The following TMC2 variants were observed in gnomAD, a reference collection of about 807,000 sequenced individuals.
TMC2 encodes the protein transmembrane channel like 2, also known as transmembrane channel-like protein 2.
Under a neutral mutation model 105.9 loss-of-function variants are expected in TMC2, and 102 were observed. That is an observed-to-expected ratio of 0.96 (90% CI 0.82 to 1.14). The LOEUF (loss-of-function observed/expected upper bound fraction) is 1.14, where lower values mean the gene tolerates loss of function less well. Ranked by LOEUF, TMC2 falls within the 50% of genes most tolerant of loss-of-function variation. The probability of loss-of-function intolerance (pLI) is 0.00; values close to 1 mark genes in which losing one functional copy is unlikely to be tolerated. For missense variants in TMC2, 1,093 were observed against 1,134.3 expected (o/e 0.96, Z 0.52); for synonymous variants, 402 against 422.8 (o/e 0.95, Z 0.60).
At chr20:2,539,700 C>T (rs934192739) in intron 2 of TMC2, among the ~76,000 whole-genome samples, 2 of 152,162 alleles carry the variant, frequency 1.3e-5, no homozygotes, top group African/African-American at 4.8e-5. Flanking sequence ...TTGCTCCGTC[C>T]CTTTTGCAAC....
intron 16 of TMC2, among the ~76,000 whole-genome samples, chr20:2,623,704 T>C (rs1469215693): frequency 2.0e-5 from 3 of 152,190 alleles, no homozygotes; most frequent in Non-Finnish European, 2.9e-5. Flanking sequence ...TGGGCCAGCA[T>C]TTGTAGAAGT....
At chr20:2,561,781 C>T in intron 3 of TMC2, 77 bp from the exon 4 acceptor site, 2 of 1,509,344 alleles carry the variant, frequency 1.3e-6, no homozygotes, top group Admixed American at 4.1e-5. Context: ...TCCATGGGCC[C>T]CTCCTCATTC....
chr20:2,553,895 G>GC (rs1568503111), intron 2 of TMC2, among the ~76,000 whole-genome samples: 1 of 151,960 alleles, frequency 6.6e-6, no homozygotes, highest in Non-Finnish European at 1.5e-5. Flanking sequence ...GTTTTGTTTT[G>GC]TTTTTTGAGA....
intron 12 of TMC2, 23 bp downstream of exon 12, chr20:2,610,621 C>T (rs1400000790): frequency 6.9e-7 from 1 of 1,451,560 alleles, no homozygotes; most frequent in East Asian, 2.6e-5. Flanking sequence ...ACACCCCCCA[C>T]CCCACTGCAA....
Position 2,612,287 on chromosome 20 carries a change from C to T in TMC2, c.1690C>T (p.Leu564=), listed in dbSNP as rs6037111. Residue 564 remains leucine (L), a synonymous_variant, in exon 13 of 20, where the codon CTG becomes TTG. Coordinates refer to ENST00000358864, the MANE Select transcript of TMC2 (RefSeq NM_080751.3). ...GAACGAGAGTGTCCCCCGACCACCC[C>T]TGCACCCTGCAGATGTGCCCCGGGG... The part of the protein sequence containing the change: ...GWNESVPRPP[L]HPADVPRGSC... 1.6e-5 allele frequency: 26 copies of T among 1,607,924 alleles called. No individual in the cohort carries two copies. Among genetic ancestry groups the T allele is most frequent in the Non-Finnish European group, 2.1e-5 (25 of 1,176,324 alleles).
chr20:2,615,267 G>A (rs945598098), intron 14 of TMC2, among the ~76,000 whole-genome samples: 3 of 152,348 alleles, frequency 2.0e-5, no homozygotes, highest in South Asian at 2.1e-4. Context: ...GTTGCAGTGA[G>A]CTGAGATTGT....
rs766643221 is a variant in TMC2 at position 2,612,249 on chromosome 20, A to C, written c.1652A>C (p.Asn551Thr). Residue 551 changes from asparagine to threonine, a missense_variant, in exon 13 of 20, where the codon AAC becomes ACC. By Grantham distance (65) the Asn-to-Thr change is moderately conservative. Transcript: ENST00000358864. ...ITHWTLFNYY[N>T]SSGWNESVPR... ...CACTGGACTCTGTTTAACTATTACA[A>C]CTCTTCTGGTTGGAACGAGAGTGTC... The C allele has an allele frequency of 6.2e-7, 1 of 1,611,914 alleles. No homozygotes were observed. The highest frequency in any genetic ancestry group is 8.5e-7 in the Non-Finnish European group (1 of 1,178,998).
At chr20:2,544,090 AT>A (rs2085909061) in intron 2 of TMC2, among the ~76,000 whole-genome samples, 7 of 92,690 alleles carry the variant, frequency 7.6e-5, no homozygotes, top group Non-Finnish European at 1.6e-4. Context: ...TTTTTTTTGT[AT>A]TTTTAGTAGA....
intron 14 of TMC2, 65 bp downstream of exon 14, chr20:2,613,387 G>A: frequency 6.2e-7 from 1 of 1,603,896 alleles, no homozygotes; most frequent in Non-Finnish European, 8.5e-7. Context: ...GATACTTATA[G>A]CCAGATGCAT....
intron 4 of TMC2, among the ~76,000 whole-genome samples, chr20:2,562,408 T>C (rs1352314498): frequency 1.3e-5 from 2 of 152,218 alleles, no homozygotes; most frequent in Non-Finnish European, 2.9e-5. Flanking sequence ...CCAGTGTCTC[T>C]CCATGTGTAC....
At chr20:2,537,394 C>G (rs2122784149) in intron 2 of TMC2, 78 bp downstream of exon 2, 1 of 1,170,410 alleles carries the variant, frequency 8.5e-7, no homozygotes, top group Non-Finnish European at 1.3e-6. Flanking sequence ...TCCAGCCACC[C>G]ATCCAACATT....
intron 5 of TMC2, among the ~76,000 whole-genome samples, chr20:2,578,925 C>G (rs1222232342): frequency 6.6e-6 from 1 of 152,226 alleles, no homozygotes; most frequent in Non-Finnish European, 1.5e-5. Context: ...GTGGCCCTCA[C>G]TTGTCTCTCA....
chr20:2,610,380 A>G lies in TMC2; in HGVS notation c.1414-39A>G, dbSNP rs561723217. On this transcript the variant is annotated intron_variant, in intron 11 of 19. Transcript: ENST00000358864. The stretch of plus-strand genomic sequence containing the variant: ...GCAGAGATGGCAGCCAAACAAGTAT[A>G]ATGTTGATGACACAACGTAGGCTTT... The G allele has an allele frequency of 2.0e-5, 32 of 1,567,426 alleles. No individual in the cohort carries two copies. The East Asian group carries it at 3.1e-4, about 15-fold the overall frequency.
At position 2,600,974 on chromosome 20, in the gene TMC2, A is replaced by G. The variant is rs116771571; in HGVS notation, c.1225-1139A>G. Among the ~76,000 whole-genome samples, 989 of 143,050 alleles carry G rather than the reference A, an allele frequency of 6.9e-3. 7 individuals carry two copies. The highest frequency in any genetic ancestry group is 0.025 in the African/African-American group (939 of 37,940). The allele number at this position is 143,050 out of a possible 152,430, so 93.8% of individuals were successfully genotyped here. On this transcript the variant is annotated intron_variant, in intron 10 of 19. Transcript: ENST00000358864. The stretch of plus-strand genomic sequence containing the variant: ...TGCACTCCAGCCTAGGCGACGCAGC[A>G]AGACTGTCTCAGAAAAAAAAAAAAA...
intron 19 of TMC2, among the ~76,000 whole-genome samples, chr20:2,640,436 A>G (rs1033255472): frequency 2.0e-5 from 3 of 152,210 alleles, no homozygotes; most frequent in Non-Finnish European, 2.9e-5. Context: ...CTCAGACACC[A>G]TAAAAGTTCA....
At chr20:2,549,118 C>G (rs2085941851) in intron 2 of TMC2, among the ~76,000 whole-genome samples, 1 of 152,010 alleles carries the variant, frequency 6.6e-6, no homozygotes, top group African/African-American at 2.4e-5. Context: ...GCTCTGTTAC[C>G]CAGGCTGGAG....
At chr20:2,542,698 ATTT>A (rs34716851) in intron 2 of TMC2, among the ~76,000 whole-genome samples, 2 of 135,850 alleles carry the variant, frequency 1.5e-5, no homozygotes, top group African/African-American at 2.7e-5. Context: ...TTAGTCCACA[ATTT>A]TTTTTTTTTT....
intron 7 of TMC2, among the ~76,000 whole-genome samples, chr20:2,589,064 G>C (rs1419676677): frequency 1.3e-5 from 2 of 151,992 alleles, no homozygotes; most frequent in East Asian, 3.9e-4. Context: ...CTTTGAATCT[G>C]TTTTTATTGT....
chr20:2,539,830 A>G (rs1046672364), intron 2 of TMC2, among the ~76,000 whole-genome samples: 1 of 152,128 alleles, frequency 6.6e-6, no homozygotes, highest in Admixed American at 6.6e-5. Flanking sequence ...GTCTTTCTTT[A>G]CGTTGTCTTA....
Sources: allele counts gnomAD v4.1 joint callset (sites outside exome capture counted in the v4.1 genomes callset), GRCh38; gene constraint gnomAD v4.1.1; transcripts MANE v1.5; gene names NCBI Gene and HGNC (gene_info 2026-07-23, HGNC 2026-07-21).